The following MAP4K5 variants were observed in gnomAD, a reference collection of about 807,000 sequenced individuals.
MAP4K5 encodes MAPK/ERK kinase kinase kinase 5.
Under a neutral mutation model 135.6 loss-of-function variants are expected in MAP4K5, and 82 were observed. The observed-to-expected ratio is 0.60, with a 90% CI of 0.51 to 0.73. MAP4K5 has a LOEUF of 0.73. Ranked by LOEUF, MAP4K5 falls within the 30% of genes least tolerant of loss-of-function variation. MAP4K5 has a pLI of 0.00. For missense variants in MAP4K5, 907 were observed against 1,010.9 expected (o/e 0.90, Z 1.39); for synonymous variants, 347 against 335.0 (o/e 1.04, Z -0.39).
chr14:50,453,850 C>G (rs1270357620), intron 14 of MAP4K5, among the ~76,000 whole-genome samples: 4 of 152,096 alleles, frequency 2.6e-5, no homozygotes, highest in African/African-American at 9.7e-5. Flanking sequence ...TTTGGTTCCT[C>G]TGGTGTGTGT....
upstream of MAP4K5, chr14:50,532,978 T>TGGCAGCGGGGCGCC (rs1160492996): frequency 6.6e-6 from 1 of 152,634 alleles, no homozygotes; most frequent in East Asian, 1.9e-4. Context: ...AGAAGTAACC[T>TGGCAGCGGGGCGCC]GGCAGCGGGG....
chr14:50,504,888 T>A, intron 2 of MAP4K5, 31 bp from the exon 3 acceptor site: 1 of 1,424,978 alleles, frequency 7.0e-7, no homozygotes, highest in Non-Finnish European at 9.5e-7. Flanking sequence ...AAAATCTTGT[T>A]AATTAAAAGC....
At chr14:50,473,992 G>C (rs2037037510) in intron 9 of MAP4K5, among the ~76,000 whole-genome samples, 1 of 152,064 alleles carries the variant, frequency 6.6e-6, no homozygotes, top group Non-Finnish European at 1.5e-5. Context: ...TCAAAGTGCT[G>C]GGATTACAGG....
intron 6 of MAP4K5, among the ~76,000 whole-genome samples, chr14:50,477,807 C>G (rs551924905): frequency 9.1e-4 from 139 of 151,978 alleles, no homozygotes; most frequent in South Asian, 3.8e-3. Context: ...CTAGAATAAA[C>G]TCCACTTATG....
At chr14:50,433,859 T>C (rs2036029833) in intron 28 of MAP4K5, among the ~76,000 whole-genome samples, 1 of 152,240 alleles carries the variant, frequency 6.6e-6, no homozygotes, top group Non-Finnish European at 1.5e-5. Context: ...ATTTAAAAAA[T>C]GATTTATTGA....
rs545745252 is a variant in MAP4K5, at chr14:50,438,136, T to G, written c.1706-42A>C. The G allele has an allele frequency of 3.1e-5, 22 of 720,848 alleles. No individual in the cohort carries two copies. The African/African-American group carries it at 3.9e-4, about 13-fold the overall frequency. 44.7% of individuals were successfully genotyped at this position (720,848 alleles called of 1,614,324 possible). The stretch of plus-strand genomic sequence containing the variant: ...GTAATGTTCAAAAAGCCAAGCAAAA[T>G]AGAAAAACACACACAAAAAAACCCT... On this transcript the variant is annotated intron_variant, in intron 23 of 32. Coordinates refer to ENST00000682126, the MANE Select transcript of MAP4K5 (RefSeq NM_006575.6).
At chr14:50,485,520 C>A in intron 5 of MAP4K5, 58 bp downstream of exon 5, 3 of 1,108,942 alleles carry the variant, frequency 2.7e-6, no homozygotes, top group Non-Finnish European at 2.6e-6. Context: ...CTGGAAATAT[C>A]GAACAACAAT....
At chr14:50,461,917 C>CAA (rs770904631) in intron 13 of MAP4K5, among the ~76,000 whole-genome samples, 1 of 119,352 alleles carries the variant, frequency 8.4e-6, no homozygotes, top group Non-Finnish European at 1.8e-5. Context: ...GACTCCATCT[C>CAA]AAAAAAAAAA....
intron 2 of MAP4K5, among the ~76,000 whole-genome samples, chr14:50,521,757 TGA>T (rs1167351790): frequency 6.6e-6 from 1 of 152,204 alleles, no homozygotes; most frequent in African/African-American, 2.4e-5. Context: ...AAAATCTCCA[TGA>T]GAGATTATAT....
intron 8 of MAP4K5, 115 bp from the exon 9 acceptor site, chr14:50,475,264 G>T: frequency 1.3e-6 from 1 of 761,952 alleles, no homozygotes; most frequent in Non-Finnish European, 2.2e-6. Context: ...TTAGAAAAAT[G>T]CGCATAAATT....
Position 50,554,270 on chromosome 14 carries a change from A to G in MAP4K5, c.-180+6770T>C, listed in dbSNP as rs926543324. On this transcript the variant is annotated intron_variant, in intron 1 of 8. Transcript: ENST00000555216. ...TTAAGCTTCTTTGACTCATTCTCAA[A>G]TTGGTTACACACCTTACCTACTCAT... Among the ~76,000 whole-genome samples the G allele has an allele frequency of 3.9e-5, 6 of 152,290 alleles. 1 individual carries two copies. The highest frequency in any genetic ancestry group is 1.4e-4 in the African/African-American group (6 of 41,562).
chr14:50,546,409 T>C (rs1348908404), intron 1 of MAP4K5, among the ~76,000 whole-genome samples: 1 of 152,074 alleles, frequency 6.6e-6, no homozygotes, highest in African/African-American at 2.4e-5. Context: ...AGCATACATG[T>C]TTATGTTTAT....
intron 3 of MAP4K5, among the ~76,000 whole-genome samples, chr14:50,498,424 G>A (rs2037639367): frequency 6.6e-6 from 1 of 152,074 alleles, no homozygotes; most frequent in Admixed American, 6.5e-5. Context: ...TATACAAAGA[G>A]CAACAAGAAC....
intron 9 of MAP4K5, among the ~76,000 whole-genome samples, chr14:50,469,223 G>C (rs1232932632): frequency 6.6e-6 from 1 of 152,160 alleles, no homozygotes; most frequent in East Asian, 1.9e-4. Context: ...AGTGCTCAAT[G>C]TATCACCTGC....
intron 2 of MAP4K5, among the ~76,000 whole-genome samples, chr14:50,507,704 T>C (rs955681899): frequency 1.3e-5 from 2 of 152,204 alleles, no homozygotes; most frequent in Non-Finnish European, 2.9e-5. Flanking sequence ...TGCACTGTGG[T>C]CTGAGAGACA....
At position 50,501,417 on chromosome 14, in the gene MAP4K5, A is replaced by G. The variant is rs892263994; in HGVS notation, c.166+3383T>C. On this transcript the variant is annotated intron_variant, in intron 3 of 32. Coordinates refer to ENST00000682126, the MANE Select transcript of MAP4K5 (RefSeq NM_006575.6). ...AAAAATAAAAGAAACCCCCAGCTAT[A>G]ATTTTTTTTAAAATTTAAGAAAATA... is the stretch of plus-strand genomic sequence containing the variant. Among the ~76,000 whole-genome samples the G allele has an allele frequency of 3.3e-5, 5 of 152,220 alleles. No homozygotes were observed. The East Asian group carries it at 7.7e-4, about 23-fold the overall frequency.
At chr14:50,530,845 C>T (rs1172405253) in intron 2 of MAP4K5, among the ~76,000 whole-genome samples, 2 of 151,972 alleles carry the variant, frequency 1.3e-5, no homozygotes, top group African/African-American at 2.4e-5. Context: ...AATACCACTA[C>T]CTTGAAATGC....
chr14:50,423,387 A>T (rs766050284), intron 31 of MAP4K5, among the ~76,000 whole-genome samples: 2 of 151,210 alleles, frequency 1.3e-5, no homozygotes, highest in African/African-American at 2.4e-5. Context: ...CAGGTACTCT[A>T]CTTAGAAGAA....
At chr14:50,438,131 C>T (rs1361186082) in intron 23 of MAP4K5, 37 bp from the exon 24 acceptor site, 1 of 727,384 alleles carries the variant, frequency 1.4e-6, no homozygotes, top group Non-Finnish European at 2.5e-6. Flanking sequence ...AAAAGCCAAG[C>T]AAAATAGAAA....
Sources: gnomAD v4.1 joint callset for allele counts (sites outside exome capture counted in the v4.1 genomes callset) on GRCh38, gnomAD v4.1.1 for gene constraint, MANE v1.5 for transcripts, NCBI Gene and HGNC (gene_info 2026-07-23, HGNC 2026-07-21) for gene names.